PDE5A: variants seen among roughly 807,000 people sequenced by gnomAD.
The protein encoded by PDE5A is phosphodiesterase 5A.
In PDE5A, 67 loss-of-function variants were observed where a neutral mutation model predicts 110.2. The ratio of observed to expected loss-of-function variants is 0.61; its 90% confidence interval spans 0.50 to 0.75. PDE5A has a LOEUF of 0.75. Among genes scored for constraint, PDE5A ranks in the 30% least tolerant of loss-of-function variants. The probability of loss-of-function intolerance (pLI) is 0.00; values close to 1 mark genes in which losing one functional copy is unlikely to be tolerated. For missense variants in PDE5A, 862 were observed against 1,045.1 expected (o/e 0.82, Z 2.42); for synonymous variants, 328 against 351.2 (o/e 0.93, Z 0.74).
At position 119,509,708 on chromosome 4, in the gene PDE5A, A is replaced by C. The variant is rs567726669; in HGVS notation, c.2088+1339T>G. ...ACATTAAACAGTCACATGTTGTAGA[A>C]AAACAATCTGTACTAGACCATATAC... On this transcript the variant is annotated intron_variant, in intron 15 of 20. Coordinates refer to ENST00000354960, the MANE Select transcript of PDE5A (RefSeq NM_001083.4). Among the ~76,000 whole-genome samples the C allele has an allele frequency of 2.0e-5, 3 of 152,190 alleles. No homozygotes were observed. The South Asian group carries it at 6.2e-4, about 32-fold the overall frequency.
At chr4:119,625,119 T>G (rs1243511227) in intron 1 of PDE5A, among the ~76,000 whole-genome samples, 2 of 151,826 alleles carry the variant, frequency 1.3e-5, no homozygotes, top group Non-Finnish European at 2.9e-5. Context: ...CAAGCGATTC[T>G]CCTTAGTAGC....
rs572933112 is a variant in PDE5A, at chr4:119,610,679, C to G, written c.153-3382G>C. On this transcript the variant is annotated intron_variant, in intron 1 of 20. Transcript: ENST00000354960. ...CCATCACCTCCACAGTTACTCAAAC[C>G]AAACACGTAGGAATTACTCTAAATT... Among the ~76,000 whole-genome samples the G allele has an allele frequency of 1.1e-4, 16 of 152,286 alleles. No homozygotes were observed. In the East Asian group the frequency reaches 3.1e-3, roughly 29 times the overall value.
In PDE5A at chr4:119,628,731, C is replaced by T. The variant is rs191959415; in HGVS notation, c.-60G>A. ...CTGCTTTTCCACCCCAGCTGGGGTC[C>T]GTCCCTCAGAAGAACAGGACTCGGC... On this transcript the variant is annotated 5_prime_UTR_variant, in exon 1 of 21. Transcript: ENST00000354960. 1,319 of 1,592,424 alleles carry T rather than the reference C, an allele frequency of 8.3e-4. 12 individuals carry two copies. In the African/African-American group the frequency reaches 0.013, roughly 16 times the overall value.
intron 16 of PDE5A, among the ~76,000 whole-genome samples, chr4:119,506,886 A>G (rs2110458161): frequency 6.6e-6 from 1 of 152,028 alleles, no homozygotes; most frequent in South Asian, 2.1e-4. Context: ...GAGTAACTAC[A>G]ACCATGAATG....
intron 5 of PDE5A, 39 bp from the exon 6 acceptor site, chr4:119,563,009 A>G: frequency 6.6e-7 from 1 of 1,513,428 alleles, no homozygotes; most frequent in Non-Finnish European, 8.9e-7. Flanking sequence ...TTAGCAATTG[A>G]TTGTAATTAT....
intron 15 of PDE5A, among the ~76,000 whole-genome samples, chr4:119,510,063 A>G (rs1298272877): frequency 1.4e-5 from 2 of 140,092 alleles, no homozygotes; most frequent in African/African-American, 5.1e-5. Flanking sequence ...GGAGAGAGGA[A>G]GGAGTTAGAA....
At chr4:119,621,934 G>C (rs1730161152) in intron 1 of PDE5A, among the ~76,000 whole-genome samples, 1 of 152,160 alleles carries the variant, frequency 6.6e-6, no homozygotes. Flanking sequence ...ACTTTGGGAG[G>C]CCGAGGCGGG....
intron 12 of PDE5A, among the ~76,000 whole-genome samples, chr4:119,523,654 T>TA: frequency 6.6e-6 from 1 of 152,090 alleles, no homozygotes; most frequent in East Asian, 1.9e-4. Context: ...CAACAACTGG[T>TA]AAGAATAAAG....
At chr4:119,603,835 C>T (rs4146266) in intron 2 of PDE5A, among the ~76,000 whole-genome samples, 143,661 of 152,258 alleles carry the variant, frequency 0.94, 67,843 homozygotes, top group Non-Finnish European at 0.97. Flanking sequence ...GCTTAAGAAA[C>T]ACTGCCATAC....
intron 2 of PDE5A, among the ~76,000 whole-genome samples, chr4:119,605,223 C>T (rs181094513): frequency 1.3e-5 from 2 of 152,288 alleles, no homozygotes; most frequent in Admixed American, 1.3e-4. Flanking sequence ...CTTATCCACA[C>T]ACTTACATGG....
chr4:119,561,450 T>C (rs1240360047), intron 6 of PDE5A, among the ~76,000 whole-genome samples: 1 of 152,212 alleles, frequency 6.6e-6, no homozygotes, highest in Non-Finnish European at 1.5e-5. Context: ...TACTTCCAAG[T>C]AGCACTGATC....
At chr4:119,578,011 G>A (rs1728430196) in intron 3 of PDE5A, among the ~76,000 whole-genome samples, 1 of 152,110 alleles carries the variant, frequency 6.6e-6, no homozygotes, top group Non-Finnish European at 1.5e-5. Flanking sequence ...AAATCGATGG[G>A]CAAAAATCAC....
chr4:119,575,956 G>A lies in PDE5A; in HGVS notation c.832-8812C>T, dbSNP rs141778072. On this transcript the variant is annotated intron_variant, in intron 3 of 20. Coordinates refer to ENST00000354960, the MANE Select transcript of PDE5A (RefSeq NM_001083.4). Reference sequence around the variant, plus strand: ...TCAGGAAACCCATCTCAAGTGCAGAGACATACATAGGCTCAAAATAAAGGG... The same window carrying A: ...TCAGGAAACCCATCTCAAGTGCAGAAACATACATAGGCTCAAAATAAAGGG... Among the ~76,000 whole-genome samples, 945 of 152,224 alleles carry A rather than the reference G, an allele frequency of 6.2e-3. 3 individuals carry two copies. The highest frequency in any genetic ancestry group is 0.01 in the Non-Finnish European group (702 of 68,018).
intron 20 of PDE5A, 26 bp from the exon 21 acceptor site, chr4:119,498,764 G>A (rs1725183931): frequency 6.2e-7 from 1 of 1,612,778 alleles, no homozygotes; most frequent in Non-Finnish European, 8.5e-7. Flanking sequence ...AAAGCAAACA[G>A]CTAGAGAGAA....
At chr4:119,566,978 C>T (rs1727956900) in intron 4 of PDE5A, 95 bp downstream of exon 4, 1 of 833,202 alleles carries the variant, frequency 1.2e-6, no homozygotes. Flanking sequence ...TTTGTGTGAC[C>T]AACAATTTCA....
chr4:119,533,289 T>G (rs1270206106), intron 11 of PDE5A, among the ~76,000 whole-genome samples: 1 of 152,302 alleles, frequency 6.6e-6, no homozygotes, highest in East Asian at 1.9e-4. Context: ...CCACCACTCC[T>G]ACCTCACAGG....
In PDE5A at chr4:119,627,478, C is replaced by A. The variant is rs1012681902; in HGVS notation, c.152+1042G>T. ...TGTGTCACCCTCCCGGCCAAGACGG[C>A]CAGCACCCGCTGCCCGACGGCCGCT... On this transcript the variant is annotated intron_variant, in intron 1 of 20. Coordinates refer to ENST00000354960, the MANE Select transcript of PDE5A (RefSeq NM_001083.4). This position sits in a 1 kb window ranked among gnomAD's most constrained non-coding sequence, Gnocchi z 4.6. 1 of 182,408 alleles carries A rather than the reference C, an allele frequency of 5.5e-6. No homozygotes were observed. The highest frequency in any genetic ancestry group is 2.4e-5 in the African/African-American group (1 of 41,998). The allele number at this position is 182,408 out of a possible 1,614,324, so 11.3% of individuals were successfully genotyped here.
At chr4:119,540,693 T>A (rs1473904291) in intron 10 of PDE5A, among the ~76,000 whole-genome samples, 1 of 152,200 alleles carries the variant, frequency 6.6e-6, no homozygotes, top group African/African-American at 2.4e-5. Context: ...AGAATACAAT[T>A]GAAACATCTG....
intron 3 of PDE5A, among the ~76,000 whole-genome samples, chr4:119,592,561 G>A (rs11945339): frequency 7.4e-5 from 11 of 149,616 alleles, no homozygotes; most frequent in Non-Finnish European, 1.2e-4. Flanking sequence ...TCGGGACTTA[G>A]AAATGTTTCA....
Sources: gnomAD v4.1 joint callset for allele counts (sites outside exome capture counted in the v4.1 genomes callset) on GRCh38, gnomAD v4.1.1 for gene constraint, Gnocchi (gnomAD v3.1) non-coding constraint, MANE v1.5 for transcripts, NCBI Gene and HGNC (gene_info 2026-07-23, HGNC 2026-07-21) for gene names.